ZNF487: variants seen among roughly 807,000 people sequenced by gnomAD.
ZNF487 encodes KRAB domain only 1.
ZNF487 carries 4 observed loss-of-function variants against 3.0 expected under a neutral mutation model. The ratio of observed to expected loss-of-function variants is 1.35; its 90% CI spans 0.66 to 3.08. ZNF487 has a LOEUF of 3.08. ZNF487 is among the 30% of genes most tolerant of loss of function. ZNF487 has a pLI of 0.01. For missense variants in ZNF487, 146 were observed against 98.7 expected (o/e 1.48, Z -2.03); for synonymous variants, 55 against 34.6 (o/e 1.59, Z -2.06).
At chr10:43,439,430 C>T (rs1444791921) in intron 1 of ZNF487, among the ~76,000 whole-genome samples, 2 of 151,770 alleles carry the variant, frequency 1.3e-5, no homozygotes, top group South Asian at 2.1e-4. Flanking sequence ...TGGCCGGGTG[C>T]GGTGGCTAAC....
chr10:43,480,901 C>T lies in ZNF487; in HGVS notation c.131-528C>T, dbSNP rs113213112. 9.0e-3 allele frequency among the ~76,000 whole-genome samples: 1,364 copies of T among 152,178 alleles called. 18 individuals are homozygous for T. Among genetic ancestry groups the T allele is most frequent in the African/African-American group, 0.031 (1,287 of 41,520 alleles). On this transcript the variant is annotated intron_variant, in intron 3 of 3. Coordinates refer to ENST00000437590, the MANE Select transcript of ZNF487 (RefSeq NM_001355444.3). ...CTCTAATAATTACAGTATAATTGAT[C>T]GCATAAGTGAAATCTCAGACTATGA...
intron 3 of ZNF487, among the ~76,000 whole-genome samples, chr10:43,478,022 G>A (rs963929320): frequency 3.9e-5 from 6 of 151,972 alleles, no homozygotes; most frequent in Non-Finnish European, 1.5e-5. Context: ...ACTCTTAAGT[G>A]AAAAAGAGAA....
chr10:43,480,019 CTTTCTTTCTTTCTTTCTTTCTTTCTT>C lies in ZNF487; in HGVS notation c.131-1395_131-1370del, dbSNP rs1841278686. 1.2e-4 allele frequency among the ~76,000 whole-genome samples: 8 copies of C among 67,226 alleles called. 1 individual carries two copies. Among genetic ancestry groups the C allele is most frequent in the African/African-American group, 2.8e-4 (8 of 28,336 alleles). 44.1% of individuals were successfully genotyped at this position (67,226 alleles called of 152,430 possible). On this transcript the variant is annotated intron_variant, in intron 3 of 3. Coordinates refer to ENST00000437590, the MANE Select transcript of ZNF487 (RefSeq NM_001355444.3). The stretch of plus-strand genomic sequence containing the variant: ...TCTTTCTTTCTTTCTTTCTTTCTTT[CTTTCTTTCTTTCTTTCTTTCTTTCTT>C]TTTCTTTCTTTCTTCCTTGCTTCCT...
chr10:43,465,142 C>G (rs1840634453), intron 1 of ZNF487, among the ~76,000 whole-genome samples: 1 of 117,270 alleles, frequency 8.5e-6, no homozygotes, highest in Non-Finnish European at 1.8e-5. Flanking sequence ...GGGCGGGGGG[C>G]TGACCCGCCC....
the ZNF487 span, among the ~76,000 whole-genome samples, chr10:43,516,976 C>T: frequency 6.6e-6 from 1 of 152,208 alleles, no homozygotes; most frequent in African/African-American, 2.4e-5. Flanking sequence ...ACCAGGTTAT[C>T]CATGGGGTAC....
chr10:43,442,199 G>C (rs923821327), intron 1 of ZNF487, among the ~76,000 whole-genome samples: 3 of 151,406 alleles, frequency 2.0e-5, no homozygotes, highest in African/African-American at 7.3e-5. Flanking sequence ...CACTAACACT[G>C]TACCCTAGCC....
rs74137733 is a variant in ZNF487, at chr10:43,456,471, T to C, written c.-94+19209T>C. Reference sequence around the variant, plus strand: ...AGTTTTGCTCCAGCTGTCAGAGAGGTGAGCTGGGCCTAAGGCTAGGGTTAG... The same window carrying C: ...AGTTTTGCTCCAGCTGTCAGAGAGGCGAGCTGGGCCTAAGGCTAGGGTTAG... On this transcript the variant is annotated intron_variant, in intron 1 of 3. Transcript: ENST00000437590. Among the ~76,000 whole-genome samples the C allele has an allele frequency of 6.1e-3, 930 of 152,226 alleles. 9 individuals are homozygous for C. Among genetic ancestry groups the C allele is most frequent in the African/African-American group, 0.018 (737 of 41,536 alleles).
the ZNF487 span, among the ~76,000 whole-genome samples, chr10:43,494,808 G>T: frequency 6.9e-6 from 1 of 143,944 alleles, no homozygotes; most frequent in Non-Finnish European, 1.5e-5. Context: ...ATGGTAGTGC[G>T]CGCCTGTAAT....
chr10:43,471,275 G>A (rs549446166), intron 1 of ZNF487, among the ~76,000 whole-genome samples: 5 of 152,232 alleles, frequency 3.3e-5, no homozygotes, highest in South Asian at 2.1e-4. Context: ...AGCAAGCTCC[G>A]TGTCCAGAAT....
intron 3 of ZNF487, 61 bp from the exon 4 acceptor site, chr10:43,481,368 C>G (rs1445245952): frequency 4.6e-6 from 3 of 650,964 alleles, no homozygotes; most frequent in Non-Finnish European, 8.3e-6. Context: ...GTGAATATGT[C>G]TCTTTTTCAT....
the ZNF487 span, among the ~76,000 whole-genome samples, chr10:43,516,573 C>T: frequency 6.6e-6 from 1 of 152,108 alleles, no homozygotes; most frequent in Non-Finnish European, 1.5e-5. Flanking sequence ...TGCTGAGGGG[C>T]AAGGAGAGCC....
At chr10:43,516,075 C>T in the ZNF487 span, among the ~76,000 whole-genome samples, 1 of 152,132 alleles carries the variant, frequency 6.6e-6, no homozygotes, top group African/African-American at 2.4e-5. Flanking sequence ...CCACCGTGCC[C>T]AGCCTAGTTC....
chr10:43,520,598 A>G, the ZNF487 span, among the ~76,000 whole-genome samples: 4 of 152,246 alleles, frequency 2.6e-5, no homozygotes, highest in Non-Finnish European at 5.9e-5. Context: ...AAAATATTTT[A>G]AAGTTAAACA....
the ZNF487 span, among the ~76,000 whole-genome samples, chr10:43,501,039 C>T: frequency 3.9e-5 from 6 of 152,166 alleles, no homozygotes; most frequent in Non-Finnish European, 7.3e-5. Context: ...TTACACAAAC[C>T]TAGATGGTAT....
the ZNF487 span, among the ~76,000 whole-genome samples, chr10:43,498,110 T>A: frequency 0.021 from 212 of 10,118 alleles, 1 homozygote; most frequent in East Asian, 0.076. Context: ...TTTTTTTTTT[T>A]TTTCTTTTTT....
At chr10:43,450,784 A>G (rs1439771555) in intron 1 of ZNF487, among the ~76,000 whole-genome samples, 1 of 152,190 alleles carries the variant, frequency 6.6e-6, no homozygotes, top group Admixed American at 6.6e-5. Context: ...GCTGTGAAGT[A>G]TAAAATAACA....
the ZNF487 span, among the ~76,000 whole-genome samples, chr10:43,522,799 T>C: frequency 3.3e-5 from 5 of 151,654 alleles, no homozygotes; most frequent in East Asian, 9.6e-4. Flanking sequence ...AACATATGTA[T>C]TAGTGAGTAT....
At chr10:43,500,161 C>T in the ZNF487 span, among the ~76,000 whole-genome samples, 1 of 152,136 alleles carries the variant, frequency 6.6e-6, no homozygotes, top group African/African-American at 2.4e-5. Flanking sequence ...AGGCATGAGC[C>T]ACCATGCCTG....
intron 1 of ZNF487, among the ~76,000 whole-genome samples, chr10:43,464,849 A>G (rs1218636792): frequency 6.6e-6 from 1 of 152,134 alleles, no homozygotes; most frequent in Non-Finnish European, 1.5e-5. Context: ...CAAAACCGCC[A>G]TCGTCATCAT....
Sources: allele counts gnomAD v4.1 joint callset (sites outside exome capture counted in the v4.1 genomes callset), GRCh38; gene constraint gnomAD v4.1.1; transcripts MANE v1.5; gene names NCBI Gene and HGNC (gene_info 2026-07-23, HGNC 2026-07-21).